The following SHANK2 variants were observed in gnomAD, a reference collection of about 807,000 sequenced individuals.
SHANK2 encodes the protein SH3 and multiple ankyrin repeat domains protein 2.
SHANK2 carries 43 observed loss-of-function variants against 133.7 expected under a neutral mutation model. The observed-to-expected ratio is 0.32, with a 90% confidence interval of 0.25 to 0.41. SHANK2 has a LOEUF of 0.41. Among genes scored for constraint, SHANK2 ranks in the 10% least tolerant of loss-of-function variants. The pLI, the probability that SHANK2 is intolerant of heterozygous loss-of-function variation, is 1.00. For missense variants in SHANK2, 1,994 were observed against 2,235.8 expected (o/e 0.89, Z 2.18); for synonymous variants, 1,017 against 952.8 (o/e 1.07, Z -1.24).
intron 21 of SHANK2, among the ~76,000 whole-genome samples, chr11:70,494,892 C>G (rs868986479): frequency 6.6e-6 from 1 of 152,208 alleles, no homozygotes; most frequent in African/African-American, 2.4e-5. Context: ...ATTCTGCGTC[C>G]CTGCTCATGC....
At chr11:70,859,451 T>G (rs932059011) in intron 11 of SHANK2, among the ~76,000 whole-genome samples, 5 of 151,628 alleles carry the variant, frequency 3.3e-5, no homozygotes, top group Non-Finnish European at 7.4e-5. Flanking sequence ...GGTGGATGGA[T>G]GGATGGACAA....
chr11:70,759,933 G>A (rs532755396), intron 14 of SHANK2, among the ~76,000 whole-genome samples: 8 of 152,308 alleles, frequency 5.3e-5, no homozygotes, highest in East Asian at 1.9e-4. Context: ...GGCATGGGAC[G>A]GATTCTACCT....
intron 15 of SHANK2, among the ~76,000 whole-genome samples, chr11:70,683,121 G>A (rs1412224568): frequency 3.9e-5 from 6 of 151,968 alleles, no homozygotes; most frequent in Non-Finnish European, 5.9e-5. Context: ...GACAATTACC[G>A]CTCCCTCCTT....
At chr11:71,058,881 C>A (rs1950953576) in intron 9 of SHANK2, among the ~76,000 whole-genome samples, 1 of 152,264 alleles carries the variant, frequency 6.6e-6, no homozygotes, top group East Asian at 1.9e-4. Flanking sequence ...TGAGTGGACA[C>A]TGCACAGGCG....
chr11:70,749,707 C>G lies in SHANK2; in HGVS notation c.1777+48736G>C, dbSNP rs188142348. ...ATGAAAATGTTAAAGTTGAAAAACA[C>G]AACATCTGAAACAATCCAATGGACA... On this transcript the variant is annotated intron_variant, in intron 14 of 25. Coordinates refer to ENST00000601538, the MANE Select transcript of SHANK2 (RefSeq NM_012309.5). 1.2e-3 allele frequency among the ~76,000 whole-genome samples: 185 copies of G among 151,994 alleles called. 2 individuals are homozygous for G. The highest frequency in any genetic ancestry group is 4.3e-3 in the African/African-American group (177 of 41,442).
intron 11 of SHANK2, among the ~76,000 whole-genome samples, chr11:70,866,792 C>T (rs1484920784): frequency 1.8e-4 from 27 of 151,746 alleles, no homozygotes; most frequent in African/African-American, 6.3e-4. Context: ...TTTCATCTCC[C>T]CATTTCCCTA....
chr11:70,848,594 A>C (rs1555064438), intron 11 of SHANK2, among the ~76,000 whole-genome samples: 1 of 152,202 alleles, frequency 6.6e-6, no homozygotes, highest in African/African-American at 2.4e-5. Context: ...GTACATTCTG[A>C]GGGTCCAGGA....
chr11:70,749,111 A>G (rs1405445229), intron 14 of SHANK2, among the ~76,000 whole-genome samples: 1 of 152,246 alleles, frequency 6.6e-6, no homozygotes, highest in Non-Finnish European at 1.5e-5. Flanking sequence ...CTGCAGACAC[A>G]CAACCATGTG....
Position 70,473,584 on chromosome 11 carries a change from T to G in SHANK2, c.4980-145A>C, listed in dbSNP as rs2058625452. ...GATCCACTGGCAGTGAACGAATGAT[T>G]TGCCATGCCAGGGTGGGGGAGGGGG... On this transcript the variant is annotated intron_variant, in intron 25 of 25. Transcript: ENST00000601538. The surrounding 1 kb of genome is among the most constrained non-coding windows in gnomAD (Gnocchi z 5.9). 2.5e-6 allele frequency: 2 copies of G among 809,630 alleles called. No homozygotes were observed. Among genetic ancestry groups the G allele is most frequent in the African/African-American group, 1.7e-5 (1 of 59,164 alleles). 50.2% of individuals were successfully genotyped at this position (809,630 alleles called of 1,614,324 possible). A position where few individuals can be genotyped will look rare whatever the true frequency, so the allele number is the denominator to read the frequency against.
Position 71,119,035 on chromosome 11 carries a change from G to A in SHANK2, c.208-3C>T. ...TCCGGGTTAAATCGAATGCATTTCTGCCAGGAAGGACAAAGACAGCTGATG... is the reference window on the plus strand; with the variant it reads ...TCCGGGTTAAATCGAATGCATTTCTACCAGGAAGGACAAAGACAGCTGATG... On this transcript the variant is annotated splice_region_variant and splice_polypyrimidine_tract_variant and intron_variant, in intron 3 of 25. Coordinates refer to ENST00000601538, the MANE Select transcript of SHANK2 (RefSeq NM_012309.5). 2 of 1,551,528 alleles carry A rather than the reference G, an allele frequency of 1.3e-6. No individual in the cohort carries two copies. Among genetic ancestry groups the A allele is most frequent in the East Asian group, 2.4e-5 (1 of 40,922 alleles).
intron 3 of SHANK2, among the ~76,000 whole-genome samples, chr11:71,143,838 A>T (rs1489981514): frequency 6.6e-6 from 1 of 152,130 alleles, no homozygotes; most frequent in African/African-American, 2.4e-5. Context: ...GGAATCGAAC[A>T]CTGCACTTCC....
At chr11:70,853,130 A>C (rs1426628966) in intron 11 of SHANK2, among the ~76,000 whole-genome samples, 1 of 152,224 alleles carries the variant, frequency 6.6e-6, no homozygotes, top group Admixed American at 6.5e-5. Context: ...AATCCTTGGC[A>C]GGGTCCTCCT....
At chr11:71,185,594 G>A (rs923668443) in intron 2 of SHANK2, among the ~76,000 whole-genome samples, 6 of 152,262 alleles carry the variant, frequency 3.9e-5, no homozygotes, top group Middle Eastern at 3.4e-3. Context: ...CCAGCCAAAC[G>A]GGGACCTGGA....
intron 10 of SHANK2, among the ~76,000 whole-genome samples, chr11:70,950,517 C>T (rs1005291827): frequency 2.0e-5 from 3 of 152,180 alleles, no homozygotes; most frequent in Admixed American, 6.5e-5. Context: ...TACAAGGGCA[C>T]GAATCCCATC....
At chr11:71,131,315 G>A (rs782091098) in intron 3 of SHANK2, among the ~76,000 whole-genome samples, 3 of 152,230 alleles carry the variant, frequency 2.0e-5, no homozygotes, top group African/African-American at 7.2e-5. Context: ...CAATGGAACA[G>A]GGAAATGTGG....
intron 17 of SHANK2, among the ~76,000 whole-genome samples, chr11:70,617,108 TGTGA>T (rs1285644261): frequency 6.6e-6 from 1 of 151,918 alleles, no homozygotes; most frequent in Non-Finnish European, 1.5e-5. Flanking sequence ...TGTGTATGTG[TGTGA>T]GTGTGACTGA....
intron 17 of SHANK2, among the ~76,000 whole-genome samples, chr11:70,537,396 A>T (rs561740634): frequency 6.6e-6 from 1 of 152,264 alleles, no homozygotes; most frequent in Non-Finnish European, 1.5e-5. Flanking sequence ...GGTGGTTTAA[A>T]ATCCAATGAC....
At position 70,468,179 on chromosome 11, in the gene SHANK2, GTTTAT is replaced by G. The variant is rs1476022087; in HGVS notation, c.*4685_*4689del. On this transcript the variant is annotated 3_prime_UTR_variant, in exon 26 of 26. Transcript: ENST00000601538. Reference sequence around the variant, plus strand: ...TTTCCTTTTTTTTTTTCTTTTCTGTGTTTATTTGAAGGCTCGTATTAAAATTTCAA... The same window carrying G: ...TTTCCTTTTTTTTTTTCTTTTCTGTGTTGAAGGCTCGTATTAAAATTTCAA... 1 of 148,696 alleles carries G rather than the reference GTTTAT, an allele frequency of 6.7e-6. No homozygotes were observed. Among genetic ancestry groups the G allele is most frequent in the East Asian group, 1.9e-4 (1 of 5,146 alleles). 9.2% of individuals were successfully genotyped at this position (148,696 alleles called of 1,614,324 possible). A position where few individuals can be genotyped will look rare whatever the true frequency, so the allele number is the denominator to read the frequency against.
chr11:71,155,860 G>A (rs1371354120), intron 2 of SHANK2, among the ~76,000 whole-genome samples: 19 of 152,178 alleles, frequency 1.2e-4, no homozygotes, highest in Admixed American at 6.5e-4. Context: ...GCTCAAATCC[G>A]TATGTGGAAG....
Sources: allele counts gnomAD v4.1 joint callset (sites outside exome capture counted in the v4.1 genomes callset), GRCh38; gene constraint gnomAD v4.1.1; non-coding constraint Gnocchi (gnomAD v3.1); transcripts MANE v1.5; gene names NCBI Gene and HGNC (gene_info 2026-07-23, HGNC 2026-07-21).